Variants in CDC7 observed in about 807,000 individuals in gnomAD.
CDC7 encodes the protein cell division cycle 7.
Under a neutral mutation model 53.5 loss-of-function variants are expected in CDC7, and 34 were observed. The ratio of observed to expected loss-of-function variants is 0.64; its 90% CI spans 0.48 to 0.85. The LOEUF (loss-of-function observed/expected upper bound fraction) is 0.85. CDC7 is among the 40% of genes least tolerant of loss of function. The probability of loss-of-function intolerance (pLI) is 0.00; values close to 1 mark genes in which losing one functional copy is unlikely to be tolerated. For synonymous variants in CDC7, 211 were observed against 222.8 expected, an observed-to-expected ratio of 0.95 and a Z score of 0.47; for missense variants, 594 against 679.7, an observed-to-expected ratio of 0.87 and a Z score of 1.40.
intron 10 of CDC7, among the ~76,000 whole-genome samples, chr1:91,519,354 G>A (rs1211497125): frequency 1.3e-5 from 2 of 151,892 alleles, no homozygotes; most frequent in Non-Finnish European, 2.9e-5. Context: ...GCTTGAACCT[G>A]GGAGGCAGAG....
chr1:91,523,894 CTGTGTG>C (rs56282166), intron 11 of CDC7, 141 bp from the exon 12 acceptor site: 342,051 of 555,288 alleles, frequency 0.62, 76,257 homozygotes, highest in Non-Finnish European at 0.64. Flanking sequence ...CTATCTCATA[CTGTGTG>C]TGTGTGTGTG....
chr1:91,502,450 T>C (rs960489748), intron 2 of CDC7, among the ~76,000 whole-genome samples: 2 of 152,156 alleles, frequency 1.3e-5, no homozygotes, highest in Admixed American at 1.3e-4. Flanking sequence ...TGACTGTATT[T>C]TTTTTTTTCT....
At chr1:91,502,253 A>G (rs1411030953) in intron 2 of CDC7, among the ~76,000 whole-genome samples, 1 of 152,242 alleles carries the variant, frequency 6.6e-6, no homozygotes, top group East Asian at 1.9e-4. Flanking sequence ...ATAAAGCACC[A>G]TATCTCAGTG....
chr1:91,513,192 T>G lies in CDC7; in HGVS notation c.707T>G (p.Ile236Ser). The G allele has an allele frequency of 6.2e-7, 1 of 1,613,836 alleles. No individual in the cohort carries two copies. Residue 236 changes from isoleucine to serine, a missense_variant, in exon 7 of 12, where the codon ATT becomes AGT. Transcript: ENST00000234626. ...NKSHIITGNK[I>S]PLSGPVPKEL... ...TCCCACATAATCACAGGAAACAAGA[T>G]TCCACTGAGTGGCCCAGTACCTAAG... is the stretch of plus-strand genomic sequence containing the variant.
intron 2 of CDC7, 117 bp downstream of exon 2, chr1:91,501,948 A>G (rs977681632): frequency 2.1e-5 from 16 of 775,168 alleles, no homozygotes; most frequent in African/African-American, 1.9e-4. Context: ...GTATGTTTCT[A>G]TAGGACAGTG....
At position 91,515,718 on chromosome 1, in the gene CDC7, A is replaced by G. The variant is rs557187585; in HGVS notation, c.1098-76A>G. 2.9e-5 allele frequency: 46 copies of G among 1,567,374 alleles called. No individual in the cohort carries two copies. The East Asian group carries it at 1.0e-3, about 36-fold the overall frequency. ...ATCAAGGCAAAATTTACTGTGAACT[A>G]AATTGATGAATGTTATTTTTTAGAC... On this transcript the variant is annotated intron_variant, in intron 9 of 11. Coordinates refer to ENST00000234626, the MANE Select transcript of CDC7 (RefSeq NM_003503.4).
In CDC7 at chr1:91,515,125, C is replaced by T. The variant is rs1215558303; in HGVS notation, c.1097+128C>T. On this transcript the variant is annotated intron_variant, in intron 9 of 11. Transcript: ENST00000234626. ...CAGTGAACTGCAATGGGCCTTGATG[C>T]AGAGCAGTAGTATGTTGAAGAGCAA... 4.8e-6 allele frequency: 3 copies of T among 624,820 alleles called. No individual in the cohort carries two copies. In the East Asian group the frequency reaches 8.4e-5, roughly 17 times the overall value. 38.7% of individuals were successfully genotyped at this position (624,820 alleles called of 1,614,324 possible).
intron 7 of CDC7, among the ~76,000 whole-genome samples, chr1:91,513,742 G>A (rs1667408228): frequency 6.6e-6 from 1 of 152,078 alleles, no homozygotes; most frequent in African/African-American, 2.4e-5. Flanking sequence ...ATATATATTT[G>A]TGGACTATGA....
chr1:91,510,467 A>C (rs1321958621), intron 4 of CDC7, among the ~76,000 whole-genome samples: 1 of 152,220 alleles, frequency 6.6e-6, no homozygotes, highest in Non-Finnish European at 1.5e-5. Context: ...ACAGCAAATA[A>C]CAGTGCCAAC....
intron 10 of CDC7, among the ~76,000 whole-genome samples, chr1:91,518,144 A>G (rs1571334373): frequency 6.7e-6 from 1 of 148,692 alleles, no homozygotes; most frequent in Admixed American, 6.7e-5. Context: ...AGGAACAGAG[A>G]GCAGATAACC....
intron 7 of CDC7, among the ~76,000 whole-genome samples, chr1:91,513,640 A>G (rs1287964086): frequency 6.6e-6 from 1 of 152,210 alleles, no homozygotes; most frequent in Non-Finnish European, 1.5e-5. Flanking sequence ...AGCATTAGTT[A>G]TAGGGGAGGA....
At chr1:91,522,583 C>T (rs374947952) in intron 11 of CDC7, among the ~76,000 whole-genome samples, 4 of 152,058 alleles carry the variant, frequency 2.6e-5, no homozygotes, top group Non-Finnish European at 5.9e-5. Context: ...TAAAAAAAAG[C>T]ATATTGTATA....
chr1:91,508,964 G>A (rs927030230), intron 4 of CDC7, among the ~76,000 whole-genome samples: 4 of 151,930 alleles, frequency 2.6e-5, no homozygotes, highest in Non-Finnish European at 2.9e-5. Flanking sequence ...TACCTATTGC[G>A]GCTGTTCTTC....
In CDC7 at chr1:91,514,877, A is replaced by C; in HGVS notation, c.977A>C (p.Lys326Thr). 2 of 1,613,582 alleles carry C rather than the reference A, an allele frequency of 1.2e-6. No homozygotes were observed. Among genetic ancestry groups the C allele is most frequent in the Non-Finnish European group, 1.7e-6 (2 of 1,179,640 alleles). ...VLSRKLATKK[K>T]AISTKVMNSA... Reference sequence around the variant, plus strand: ...TCTAGAAAGTTAGCAACAAAAAAGAAGGCTATTTCTACAAAAGTTATGAAT... The same window carrying C: ...TCTAGAAAGTTAGCAACAAAAAAGACGGCTATTTCTACAAAAGTTATGAAT... Residue 326 changes from lysine (K) to threonine (T), a missense_variant, in exon 9 of 12, where the codon AAG becomes ACG. Transcript: ENST00000234626.
chr1:91,501,592 C>T (rs1248748372), intron 1 of CDC7, 62 bp from the exon 2 acceptor site: 2 of 738,278 alleles, frequency 2.7e-6, no homozygotes, highest in Non-Finnish European at 4.8e-6. Flanking sequence ...GGGGCAGTAG[C>T]ATGTTTTTAG....
In CDC7 at chr1:91,524,373, G is replaced by A; in HGVS notation, c.1663G>A (p.Ala555Thr). ...LLDKLLDLNP[A>T]SRITAEEALL... ...TGATAAACTTCTAGATCTAAATCCA[G>A]CTTCAAGAATAACAGCAGAAGAAGC... The change falls in exon 12 of 12, where the codon GCT (alanine) becomes ACT (threonine). Residue 555 changes from alanine (A) to threonine (T), a missense_variant. By Grantham distance (58) the Ala-to-Thr change is moderately conservative. Transcript: ENST00000234626. 7 of 1,613,074 alleles carry A rather than the reference G, an allele frequency of 4.3e-6. No individual in the cohort carries two copies. Among genetic ancestry groups the A allele is most frequent in the Non-Finnish European group, 5.9e-6 (7 of 1,179,804 alleles).
chr1:91,507,670 G>A (rs1272957194), intron 2 of CDC7, among the ~76,000 whole-genome samples, 184 bp from the exon 3 acceptor site: 2 of 152,026 alleles, frequency 1.3e-5, no homozygotes, highest in Non-Finnish European at 2.9e-5. Context: ...ATTTTTGTCT[G>A]TTCAAGAGGT....
chr1:91,506,292 C>G (rs975624254), intron 2 of CDC7, among the ~76,000 whole-genome samples: 2 of 152,060 alleles, frequency 1.3e-5, no homozygotes, highest in Non-Finnish European at 2.9e-5. Context: ...GAGCCACCGC[C>G]CCAGGCCACA....
intron 6 of CDC7, among the ~76,000 whole-genome samples, chr1:91,512,265 G>T (rs1373786646): frequency 6.6e-6 from 1 of 152,012 alleles, no homozygotes; most frequent in Non-Finnish European, 1.5e-5. Context: ...GCCATGCACA[G>T]ATTATTTCTG....
Sources: gnomAD v4.1 joint callset for allele counts (sites outside exome capture counted in the v4.1 genomes callset) on GRCh38, gnomAD v4.1.1 for gene constraint, MANE v1.5 for transcripts, NCBI Gene and HGNC (gene_info 2026-07-23, HGNC 2026-07-21) for gene names.